The following LRRC17 variants were observed in gnomAD, a reference collection of about 807,000 sequenced individuals.
LRRC17 encodes the protein leucine rich repeat containing 17.
LRRC17 carries 33 observed loss-of-function variants against 41.5 expected under a neutral mutation model. That is an observed-to-expected ratio of 0.80 (90% CI 0.60 to 1.06). The LOEUF (loss-of-function observed/expected upper bound fraction) is 1.06, where lower values mean the gene tolerates loss of function less well. Among genes scored for constraint, LRRC17 ranks in the 50% least tolerant of loss-of-function variants. LRRC17 has a pLI of 0.00. For missense variants in LRRC17, 491 were observed against 519.3 expected (o/e 0.95, Z 0.53); for synonymous variants, 192 against 197.0 (o/e 0.97, Z 0.21).
Position 102,933,910 on chromosome 7 carries a change from C to A in LRRC17, c.-4C>A, listed in dbSNP as rs368630450. On this transcript the variant is annotated 5_prime_UTR_variant, in exon 2 of 4. It introduces an in-frame stop codon into an upstream open reading frame of the 5' UTR. Transcript: ENST00000339431. Reference sequence around the variant, plus strand: ...GAAGTAATTGGGGCCAGCTGGATGTCAGGATGCGTGTGGTTACCATTGTAA... The same window carrying A: ...GAAGTAATTGGGGCCAGCTGGATGTAAGGATGCGTGTGGTTACCATTGTAA... 5.0e-6 allele frequency: 8 copies of A among 1,590,216 alleles called. No individual in the cohort carries two copies. In the East Asian group the frequency reaches 1.6e-4, roughly 31 times the overall value.
intron 1 of LRRC17, among the ~76,000 whole-genome samples, chr7:102,925,798 A>C (rs1818001463): frequency 6.6e-6 from 1 of 151,888 alleles, no homozygotes; most frequent in Admixed American, 6.6e-5. Context: ...AAAAATAGCC[A>C]GGCGTGGTGG....
At chr7:102,921,419 C>T (rs960028924) in intron 1 of LRRC17, among the ~76,000 whole-genome samples, 5 of 152,120 alleles carry the variant, frequency 3.3e-5, no homozygotes, top group African/African-American at 1.2e-4. Flanking sequence ...GTGGCTCATG[C>T]CTGTAATCCC....
At chr7:102,920,290 A>G (rs1463766365) in intron 1 of LRRC17, among the ~76,000 whole-genome samples, 1 of 152,252 alleles carries the variant, frequency 6.6e-6, no homozygotes, top group African/African-American at 2.4e-5. Context: ...TCACAGAGCA[A>G]AAGACAGAAA....
At chr7:102,935,158 T>C (rs1172660134) in intron 2 of LRRC17, among the ~76,000 whole-genome samples, 2 of 151,404 alleles carry the variant, frequency 1.3e-5, no homozygotes, top group Non-Finnish European at 2.9e-5. Flanking sequence ...AGAGTGAAAG[T>C]GATGGCCCTT....
chr7:102,932,991 G>A lies in LRRC17; in HGVS notation c.-140-783G>A, dbSNP rs1029903251. On this transcript the variant is annotated intron_variant, in intron 1 of 3. Transcript: ENST00000339431. ...AGACACAAATATTTTCCCTTAAGGA[G>A]TTTACTTTCTAGCGGGGAGACACTA... The A allele has an allele frequency of 5.9e-5, 9 of 152,220 alleles. No homozygotes were observed. The East Asian group carries it at 1.7e-3, about 29-fold the overall frequency. 9.4% of individuals were successfully genotyped at this position (152,220 alleles called of 1,614,324 possible).
Position 102,914,959 on chromosome 7 carries a change from A to T in LRRC17, c.-141+1814A>T, listed in dbSNP as rs549799639. On this transcript the variant is annotated intron_variant, in intron 1 of 3. Transcript: ENST00000339431. ...ATTTCTAGCAATCCTTTAGCTTTAT[A>T]ATCTGTAGAAAGGAGTTGTGAGGCA... Among the ~76,000 whole-genome samples the T allele has an allele frequency of 1.6e-3, 247 of 152,154 alleles. 1 individual carries two copies. Among genetic ancestry groups the T allele is most frequent in the African/African-American group, 5.5e-3 (228 of 41,492 alleles).
In LRRC17 at chr7:102,913,113, G is replaced by A. The variant is rs763327167; in HGVS notation, c.-173G>A. On this transcript the variant is annotated 5_prime_UTR_variant, in exon 1 of 4. Coordinates refer to ENST00000339431, the MANE Select transcript of LRRC17 (RefSeq NM_001031692.3). ...GGGTGCAGCCAGAGAGGTCCAGATA[G>A]ATGAGCTTGTGGCATCCATTCCCCA... 1.2e-6 allele frequency: 2 copies of A among 1,614,096 alleles called. No individual in the cohort carries two copies. Among genetic ancestry groups the A allele is most frequent in the Non-Finnish European group, 1.7e-6 (2 of 1,180,036 alleles).
At chr7:102,924,136 G>C (rs1817608015) in intron 1 of LRRC17, among the ~76,000 whole-genome samples, 1 of 151,780 alleles carries the variant, frequency 6.6e-6, no homozygotes. Flanking sequence ...TACTTGGGAG[G>C]CTGAGGCAGG....
At position 102,933,854 on chromosome 7, in the gene LRRC17, AGGAATACTT is replaced by A; in HGVS notation, c.-59_-51del. 6.8e-7 allele frequency: 1 copy of A among 1,470,490 alleles called. No homozygotes were observed. The highest frequency in any genetic ancestry group is 1.4e-5 in the African/African-American group (1 of 71,118). 91.1% of individuals were successfully genotyped at this position (1,470,490 alleles called of 1,614,324 possible). Reference sequence around the variant, plus strand: ...AAGATTACCCAGACTTGGATTTCAAAGGAATACTTTCATTGTTCCGTCTGTAACACGAAG... The same window carrying A: ...AAGATTACCCAGACTTGGATTTCAAATCATTGTTCCGTCTGTAACACGAAG... On this transcript the variant is annotated 5_prime_UTR_variant, in exon 2 of 4. Transcript: ENST00000339431.
chr7:102,935,671 T>C (rs558141245), intron 2 of LRRC17, among the ~76,000 whole-genome samples: 25 of 152,268 alleles, frequency 1.6e-4, no homozygotes, highest in African/African-American at 5.1e-4. Context: ...TTAGTGAAGA[T>C]TGATGTTCTC....
At chr7:102,942,398 CAT>C in intron 3 of LRRC17, 1 of 1,402,924 alleles carries the variant, frequency 7.1e-7, no homozygotes. Context: ...GAATAACAAT[CAT>C]ATAAAATGCC....
chr7:102,932,864 G>A (rs1339919240), intron 1 of LRRC17, among the ~76,000 whole-genome samples: 1 of 152,062 alleles, frequency 6.6e-6, no homozygotes, highest in African/African-American at 2.4e-5. Flanking sequence ...CAAAGTGCTG[G>A]GATTACAGGC....
intron 1 of LRRC17, among the ~76,000 whole-genome samples, chr7:102,924,889 A>G (rs1230614392): frequency 1.3e-5 from 2 of 150,956 alleles, no homozygotes; most frequent in East Asian, 4.0e-4. Context: ...CCGGCCTCCC[A>G]AAGTGCTGGG....
intron 1 of LRRC17, among the ~76,000 whole-genome samples, chr7:102,927,072 G>C (rs1176688963): frequency 6.6e-6 from 1 of 152,162 alleles, no homozygotes; most frequent in African/African-American, 2.4e-5. Context: ...GTGGGACCAT[G>C]AAATAAGAGA....
chr7:102,940,481 A>G (rs1334398199), intron 3 of LRRC17, among the ~76,000 whole-genome samples: 1 of 152,170 alleles, frequency 6.6e-6, no homozygotes, highest in Non-Finnish European at 1.5e-5. Flanking sequence ...AAGTGCTGGG[A>G]TTACAGGCGT....
chr7:102,913,120 T>C lies in LRRC17; in HGVS notation c.-166T>C, dbSNP rs766996229. The C allele has an allele frequency of 1.5e-5, 24 of 1,614,028 alleles. No homozygotes were observed. The South Asian group carries it at 2.2e-4, about 15-fold the overall frequency. The stretch of plus-strand genomic sequence containing the variant: ...GCCAGAGAGGTCCAGATAGATGAGC[T>C]TGTGGCATCCATTCCCCAAGTTCAG... On this transcript the variant is annotated 5_prime_UTR_variant, in exon 1 of 4. Transcript: ENST00000339431.
chr7:102,913,230 G>A, intron 1 of LRRC17, 85 bp downstream of exon 1: 1 of 1,613,958 alleles, frequency 6.2e-7, no homozygotes, highest in Non-Finnish European at 8.5e-7. Flanking sequence ...AAAGACAAAA[G>A]AGAGGAAGGA....
At chr7:102,922,972 C>T (rs1407890656) in intron 1 of LRRC17, among the ~76,000 whole-genome samples, 3 of 151,208 alleles carry the variant, frequency 2.0e-5, no homozygotes, top group African/African-American at 4.9e-5. Flanking sequence ...AGCGAGACTC[C>T]GTCTCAACAA....
chr7:102,925,811 G>A (rs2129471907), intron 1 of LRRC17, among the ~76,000 whole-genome samples: 1 of 151,982 alleles, frequency 6.6e-6, no homozygotes, highest in South Asian at 2.1e-4. Flanking sequence ...CGTGGTGGTG[G>A]GCACCTGTAA....
Sources: allele counts gnomAD v4.1 joint callset (sites outside exome capture counted in the v4.1 genomes callset), GRCh38; gene constraint gnomAD v4.1.1; transcripts MANE v1.5; gene names NCBI Gene and HGNC (gene_info 2026-07-23, HGNC 2026-07-21).